Variants in PPM1B observed in about 807,000 individuals in gnomAD.
The protein encoded by PPM1B is protein phosphatase, Mg2+/Mn2+ dependent 1B.
A neutral mutation model predicts 43.0 loss-of-function variants in PPM1B; 22 were observed. The observed-to-expected ratio is 0.51, with a 90% CI of 0.37 to 0.73. The LOEUF (loss-of-function observed/expected upper bound fraction) is 0.73. PPM1B is among the 30% of genes least tolerant of loss of function. The probability of loss-of-function intolerance (pLI) is 0.00; values close to 1 mark genes in which losing one functional copy is unlikely to be tolerated. For synonymous variants in PPM1B, 217 were observed against 197.9 expected (o/e 1.10, Z -0.81); for missense variants, 632 against 584.2 (o/e 1.08, Z -0.84).
chr2:44,227,790 G>T (rs1021057335), intron 5 of PPM1B, among the ~76,000 whole-genome samples: 1 of 151,820 alleles, frequency 6.6e-6, no homozygotes, highest in East Asian at 1.9e-4. Flanking sequence ...AAAGTGCTGC[G>T]ATTACAGGCA....
At chr2:44,207,270 C>T (rs961473780) in intron 2 of PPM1B, among the ~76,000 whole-genome samples, 3 of 152,152 alleles carry the variant, frequency 2.0e-5, no homozygotes, top group Non-Finnish European at 4.4e-5. Flanking sequence ...CTGAACCGAG[C>T]CATGCCTGCC....
Position 44,201,229 on chromosome 2 carries a change from T to G in PPM1B, c.30T>G (p.Thr10=). 1 of 1,597,368 alleles carries G rather than the reference T, an allele frequency of 6.3e-7. No homozygotes were observed. The highest frequency in any genetic ancestry group is 8.6e-7 in the Non-Finnish European group (1 of 1,169,536). Residue 10 remains threonine, a synonymous_variant, in exon 2 of 6, where the codon ACT becomes ACG. Coordinates refer to ENST00000282412, the MANE Select transcript of PPM1B (RefSeq NM_002706.6). The surrounding 1 kb of genome is among the most constrained non-coding windows in gnomAD (Gnocchi z 5.4). MGAFLDKPK[T]EKHNAHGAGN... The stretch of plus-strand genomic sequence containing the variant: ...GTGCATTTTTGGATAAACCCAAAAC[T>G]GAAAAACATAATGCTCATGGTGCTG...
chr2:44,209,503 C>G lies in PPM1B; in HGVS notation c.964+176C>G, dbSNP rs976776829. 7.0e-6 allele frequency: 5 copies of G among 712,036 alleles called. No homozygotes were observed. The East Asian group carries it at 9.6e-5, about 14-fold the overall frequency. 44.1% of individuals were successfully genotyped at this position (712,036 alleles called of 1,614,324 possible). On this transcript the variant is annotated intron_variant, in intron 3 of 5. Transcript: ENST00000282412. The stretch of plus-strand genomic sequence containing the variant: ...AATGATTATTTTAAAATTTCCTGGT[C>G]AGGCGCAGTGGCTCACACCTGTAAT...
In PPM1B at chr2:44,201,438, C is replaced by G. The variant is rs746989663; in HGVS notation, c.239C>G (p.Thr80Ser). The change falls in exon 2 of 6, where the codon ACT becomes AGT. Residue 80 changes from threonine (T) to serine (S), a missense_variant. Physicochemically the swap from Thr to Ser is moderately conservative, Grantham distance 58. Around this residue, in one of 3 missense-constraint regions of PPM1B, gnomAD observed 200 missense variants for 200.7 expected, o/e 1.00. Transcript: ENST00000282412. The surrounding 1 kb of genome is among the most constrained non-coding windows in gnomAD (Gnocchi z 5.4). The part of the protein sequence containing the change: ...YCSTHLLEHI[T>S]TNEDFRAAGK... ...TCAACACATTTATTAGAACACATCA[C>G]TACTAACGAAGACTTTAGGGCAGCT... The G allele has an allele frequency of 2.5e-6, 4 of 1,614,178 alleles. No homozygotes were observed. The Admixed American group carries it at 5.0e-5, about 20-fold the overall frequency.
chr2:44,180,619 GTT>G (rs926994183), intron 1 of PPM1B, among the ~76,000 whole-genome samples: 1 of 150,334 alleles, frequency 6.7e-6, no homozygotes, highest in Non-Finnish European at 1.5e-5. Flanking sequence ...AATTACTTTT[GTT>G]TTTTTTTGAG....
At chr2:44,205,072 T>G (rs1387088302) in intron 2 of PPM1B, among the ~76,000 whole-genome samples, 2 of 152,122 alleles carry the variant, frequency 1.3e-5, no homozygotes, top group Non-Finnish European at 2.9e-5. Flanking sequence ...TCGGGTTGCT[T>G]AAAATATGTA....
At chr2:44,243,725 T>C (rs749799499) in intron 5 of PPM1B, among the ~76,000 whole-genome samples, 6 of 152,294 alleles carry the variant, frequency 3.9e-5, no homozygotes, top group Non-Finnish European at 8.8e-5. Context: ...CAGTACCATG[T>C]CATCTTAATT....
chr2:44,188,771 CT>C (rs1558397270), intron 1 of PPM1B, among the ~76,000 whole-genome samples: 2 of 148,302 alleles, frequency 1.3e-5, no homozygotes, highest in Admixed American at 6.8e-5. Context: ...TCTTTCCTTC[CT>C]TCCTTCCTTC....
downstream of PPM1B, chr2:44,233,681 T>C: frequency 3.0e-6 from 3 of 985,854 alleles, no homozygotes; most frequent in Non-Finnish European, 3.6e-6. Flanking sequence ...CATGGTATTT[T>C]CTGTAACGTT....
intron 2 of PPM1B, 22 bp from the exon 3 acceptor site, chr2:44,209,188 C>CT (rs757701199): frequency 5.3e-5 from 81 of 1,520,374 alleles, no homozygotes; most frequent in East Asian, 9.2e-5. Context: ...AATTTTTTTT[C>CT]TTTTTTTTCT....
rs762286693 is a variant in PPM1B, at chr2:44,185,577, C to G, written c.-14-15609C>G. 4.1e-4 allele frequency among the ~76,000 whole-genome samples: 63 copies of G among 152,102 alleles called. 1 individual carries two copies. Among genetic ancestry groups the G allele is most frequent in the Admixed American group, 1.0e-3 (16 of 15,256 alleles). ...CCTGAGTTTGAAATTTCTAGCTGAG[C>G]TTTTGATTTAGGACAAGAAAATCTA... is the stretch of plus-strand genomic sequence containing the variant. On this transcript the variant is annotated intron_variant, in intron 1 of 5. Transcript: ENST00000282412.
At chr2:44,237,194 G>GT (rs1399810555), downstream of PPM1B, among the ~76,000 whole-genome samples, 5 of 152,078 alleles carry the variant, frequency 3.3e-5, no homozygotes, top group African/African-American at 4.8e-5. Flanking sequence ...TTGCTTTTAA[G>GT]TTTTTTTCTG....
At chr2:44,186,940 C>A (rs7586362) in intron 1 of PPM1B, among the ~76,000 whole-genome samples, 10,188 of 152,218 alleles carry the variant, frequency 0.067, 1,124 homozygotes, top group African/African-American at 0.23. Flanking sequence ...TGTACAGTTC[C>A]TATCAGGCCA....
intron 1 of PPM1B, among the ~76,000 whole-genome samples, chr2:44,187,135 T>G (rs1356686329): frequency 6.6e-6 from 1 of 152,174 alleles, no homozygotes; most frequent in Non-Finnish European, 1.5e-5. Context: ...GCTTTCTTTT[T>G]CTATGAATTT....
chr2:44,176,937 C>G (rs188334064), intron 1 of PPM1B, among the ~76,000 whole-genome samples: 1 of 152,098 alleles, frequency 6.6e-6, no homozygotes, highest in African/African-American at 2.4e-5. Flanking sequence ...TGCGGCACCA[C>G]GCCCAGCTAA....
At chr2:44,235,176 C>G (rs115029415), downstream of PPM1B, among the ~76,000 whole-genome samples, 2 of 152,212 alleles carry the variant, frequency 1.3e-5, no homozygotes, top group Non-Finnish European at 2.9e-5. Context: ...TCCACTGGGT[C>G]TGTCTTGCAT....
At position 44,209,275 on chromosome 2, in the gene PPM1B, A is replaced by G. The variant is rs1355631893; in HGVS notation, c.912A>G (p.Glu304=). 2 of 1,614,126 alleles carry G rather than the reference A, an allele frequency of 1.2e-6. No individual in the cohort carries two copies. Among genetic ancestry groups the G allele is most frequent in the African/African-American group, 2.7e-5 (2 of 75,054 alleles). ...CAAATGCTCCCAAGGTCTCAGATGAAGCGGTGAAAAAAGATTCAGAGTTGG... is the reference window on the plus strand; with the variant it reads ...CAAATGCTCCCAAGGTCTCAGATGAGGCGGTGAAAAAAGATTCAGAGTTGG... ...CFSNAPKVSD[E]AVKKDSELDK... is the part of the protein sequence containing the mutation. Residue 304 remains glutamate, a synonymous_variant, in exon 3 of 6, where the codon GAA becomes GAG. Coordinates refer to ENST00000282412, the MANE Select transcript of PPM1B (RefSeq NM_002706.6).
chr2:44,232,764 T>C (rs568000364), downstream of PPM1B: 6 of 988,478 alleles, frequency 6.1e-6, no homozygotes, highest in African/African-American at 8.7e-5. Flanking sequence ...ATATGTTCCT[T>C]TTTTCAGTTC....
chr2:44,187,889 T>C (rs1351735264), intron 1 of PPM1B, among the ~76,000 whole-genome samples: 1 of 152,046 alleles, frequency 6.6e-6, no homozygotes, highest in Non-Finnish European at 1.5e-5. Context: ...AGCTGGGACT[T>C]ACAGGTGCCC....
Sources: gnomAD v4.1 joint callset for allele counts (sites outside exome capture counted in the v4.1 genomes callset) on GRCh38, gnomAD v4.1.1 for gene constraint, gnomAD v4.1.1 regional missense constraint, Gnocchi (gnomAD v3.1) non-coding constraint, MANE v1.5 for transcripts, NCBI Gene and HGNC (gene_info 2026-07-23, HGNC 2026-07-21) for gene names.